Variants in ABCA13 observed in about 807,000 individuals in gnomAD.
ABCA13 encodes ATP-binding cassette sub-family A member 13.
Under a neutral mutation model 478.7 loss-of-function variants are expected in ABCA13, and 476 were observed. The observed-to-expected ratio is 0.99, with a 90% CI of 0.92 to 1.07. ABCA13 has a LOEUF of 1.07. Ranked by LOEUF, ABCA13 falls within the 50% of genes least tolerant of loss-of-function variation. The probability of loss-of-function intolerance (pLI) is 0.00; values close to 1 mark genes in which losing one functional copy is unlikely to be tolerated. For synonymous variants in ABCA13, 2,252 were observed against 2,158.9 expected (o/e 1.04, Z -1.20); for missense variants, 6,060 against 5,910.6 (o/e 1.03, Z -0.83).
At chr7:48,565,652 CA>C (rs1307479960) in intron 55 of ABCA13, among the ~76,000 whole-genome samples, 1 of 151,858 alleles carries the variant, frequency 6.6e-6, no homozygotes, top group Non-Finnish European at 1.5e-5. Flanking sequence ...CAAAACAAAA[CA>C]AAAACAAAAA....
chr7:48,394,937 G>A (rs904215466), intron 38 of ABCA13, among the ~76,000 whole-genome samples: 1 of 152,132 alleles, frequency 6.6e-6, no homozygotes, highest in African/African-American at 2.4e-5. Context: ...AGCTGCCCTT[G>A]GTTGTATGGT....
intron 20 of ABCA13, among the ~76,000 whole-genome samples, chr7:48,295,310 T>C (rs1799214117): frequency 6.6e-6 from 1 of 152,260 alleles, no homozygotes; most frequent in African/African-American, 2.4e-5. Context: ...TTTACCTGTT[T>C]GCCATTTTGA....
intron 55 of ABCA13, among the ~76,000 whole-genome samples, chr7:48,556,326 T>C (rs570747844): frequency 5.9e-5 from 9 of 152,088 alleles, no homozygotes; most frequent in Admixed American, 6.6e-5. Context: ...CCATTTGTTC[T>C]ATAGTACAGA....
Position 48,403,801 on chromosome 7 carries a change from G to A in ABCA13, c.11992G>A (p.Val3998Ile), listed in dbSNP as rs1258613508. ...IAFMGMSRTV[V>I]LDEPTSGVDP... ...TTTCATGGGCATGTCGAGGACCGTGGTTCTGGATGAGCCCACCAGTGGGGT... is the reference window on the plus strand; with the variant it reads ...TTTCATGGGCATGTCGAGGACCGTGATTCTGGATGAGCCCACCAGTGGGGT... Residue 3998 changes from valine to isoleucine, a missense_variant, in exon 39 of 62, where the codon GTT (valine) becomes ATT (isoleucine). Coordinates refer to ENST00000435803, the MANE Select transcript of ABCA13 (RefSeq NM_152701.5). 5.0e-6 allele frequency: 8 copies of A among 1,613,826 alleles called. No homozygotes were observed. Among genetic ancestry groups the A allele is most frequent in the Non-Finnish European group, 6.8e-6 (8 of 1,179,874 alleles).
chr7:48,498,679 G>C (rs1342631156), intron 48 of ABCA13, among the ~76,000 whole-genome samples: 2 of 152,148 alleles, frequency 1.3e-5, no homozygotes, highest in African/African-American at 4.8e-5. Context: ...TAGTGAAGAT[G>C]TTTCCATAAA....
At chr7:48,401,241 C>G (rs1314751297) in intron 38 of ABCA13, among the ~76,000 whole-genome samples, 1 of 152,070 alleles carries the variant, frequency 6.6e-6, no homozygotes, top group Non-Finnish European at 1.5e-5. Context: ...TGATACATGT[C>G]TAATAAATGT....
chr7:48,613,158 A>C (rs568175502), intron 58 of ABCA13, among the ~76,000 whole-genome samples: 1 of 151,188 alleles, frequency 6.6e-6, no homozygotes, highest in East Asian at 1.9e-4. Context: ...AAGTATATCA[A>C]CCTCTACCCA....
chr7:48,199,467 T>G (rs10278351), intron 3 of ABCA13, among the ~76,000 whole-genome samples: 1 of 151,946 alleles, frequency 6.6e-6, no homozygotes, highest in East Asian at 1.9e-4. Context: ...GGGTCTCTTT[T>G]ATACGGGCAC....
chr7:48,315,744 C>T (rs1254161823), intron 26 of ABCA13, among the ~76,000 whole-genome samples: 1 of 152,150 alleles, frequency 6.6e-6, no homozygotes, highest in East Asian at 1.9e-4. Context: ...TCCCAAAGTG[C>T]TGGGATTACA....
intron 54 of ABCA13, among the ~76,000 whole-genome samples, chr7:48,526,223 C>CA (rs1832884497): frequency 6.6e-6 from 1 of 151,500 alleles, no homozygotes; most frequent in Non-Finnish European, 1.5e-5. Context: ...AAGGAGGGGC[C>CA]GGAGACAGCA....
At chr7:48,505,870 C>A (rs1327201681) in intron 48 of ABCA13, among the ~76,000 whole-genome samples, 4 of 152,162 alleles carry the variant, frequency 2.6e-5, no homozygotes, top group African/African-American at 4.8e-5. Flanking sequence ...CAAAACAAAA[C>A]AAACAACTCC....
chr7:48,278,341 A>G lies in ABCA13; in HGVS notation c.7147A>G (p.Ile2383Val), dbSNP rs767161490. 14 of 1,613,376 alleles carry G rather than the reference A, an allele frequency of 8.7e-6. No homozygotes were observed. The highest frequency in any genetic ancestry group is 1.2e-5 in the Non-Finnish European group (14 of 1,179,538). Residue 2383 changes from isoleucine (I) to valine (V), a missense_variant, in exon 18 of 62, where the codon ATA (isoleucine) becomes GTA (valine). Coordinates refer to ENST00000435803, the MANE Select transcript of ABCA13 (RefSeq NM_152701.5). ...AATGAAAAATAAGACTGAAAATAAT[A>G]TAGACTTTTTCACAGTGGTGAGTCA... The part of the protein sequence containing the change: ...TSMKNKTENN[I>V]DFFTVVSQLF...
chr7:48,383,676 A>G (rs576795049), intron 35 of ABCA13, among the ~76,000 whole-genome samples: 1 of 152,324 alleles, frequency 6.6e-6, no homozygotes, highest in East Asian at 1.9e-4. Flanking sequence ...TTATTGTAAA[A>G]TGTTTGAAAA....
At chr7:48,291,875 C>T (rs182670772) in intron 20 of ABCA13, among the ~76,000 whole-genome samples, 19 of 152,250 alleles carry the variant, frequency 1.2e-4, no homozygotes, top group African/African-American at 3.6e-4. Context: ...CTCAGCCACG[C>T]CCATCCCCAC....
In ABCA13 at chr7:48,171,543, C is replaced by A. The variant is rs1427775953; in HGVS notation, c.60C>A (p.Leu20=). 3 of 1,536,296 alleles carry A rather than the reference C, an allele frequency of 2.0e-6. No individual in the cohort carries two copies. The highest frequency in any genetic ancestry group is 2.6e-6 in the Non-Finnish European group (3 of 1,146,904). ...TGTGGAAGAATTGGCTCTGCAGACTCAGGAACCCGGTGAGTGCTTGCCTTG... is the reference window on the plus strand; with the variant it reads ...TGTGGAAGAATTGGCTCTGCAGACTAAGGAACCCGGTGAGTGCTTGCCTTG... ...ALLWKNWLCR[L]RNPVLFLAEF... Residue 20 remains leucine, a synonymous_variant, in exon 1 of 62, where the codon CTC becomes CTA. Coordinates refer to ENST00000435803, the MANE Select transcript of ABCA13 (RefSeq NM_152701.5).
At chr7:48,412,912 C>T (rs189406696) in intron 41 of ABCA13, among the ~76,000 whole-genome samples, 322 of 151,528 alleles carry the variant, frequency 2.1e-3, no homozygotes, top group Middle Eastern at 3.4e-3. Flanking sequence ...CCCGGGTTCA[C>T]GCCAGTCTCC....
At position 48,204,215 on chromosome 7, in the gene ABCA13, A is replaced by AT. The variant is rs1185744775; in HGVS notation, c.287+5869dup. Among the ~76,000 whole-genome samples the AT allele has an allele frequency of 8.2e-3, 1,099 of 134,076 alleles. 10 individuals are homozygous for AT. The highest frequency in any genetic ancestry group is 0.027 in the South Asian group (115 of 4,226). The allele number at this position is 134,076 out of a possible 152,430, so 88.0% of individuals were successfully genotyped here. A position where few individuals can be genotyped will look rare whatever the true frequency, so the allele number is the denominator to read the frequency against. ...CCAACCTCCGCCTCCTAGACTTATAATTTTTTTTTTTTTTGAGACAGTCTG... is the reference window on the plus strand; with the variant it reads ...CCAACCTCCGCCTCCTAGACTTATAATTTTTTTTTTTTTTTGAGACAGTCTG... On this transcript the variant is annotated intron_variant, in intron 3 of 61. Coordinates refer to ENST00000435803, the MANE Select transcript of ABCA13 (RefSeq NM_152701.5).
Position 48,244,615 on chromosome 7 carries a change from C to A in ABCA13, c.1302C>A (p.Asn434Lys), listed in dbSNP as rs559926336. 235 of 1,613,550 alleles carry A rather than the reference C, an allele frequency of 1.5e-4. 2 individuals are homozygous for A. In the South Asian group the frequency reaches 2.4e-3, roughly 17 times the overall value. ...HLWKLQSLLQ[N>K]LPQWPALKRF... is the part of the protein sequence containing the mutation. ...GGAAATTGCAAAGCTTGCTGCAAAA[C>A]CTGCCCCAGTGGCCGGCACTGAAGA... Residue 434 changes from asparagine to lysine, a missense_variant, in exon 11 of 62, where the codon AAC becomes AAA. Asn to Lys is a moderately conservative substitution (Grantham distance 94, BLOSUM62 0). Coordinates refer to ENST00000435803, the MANE Select transcript of ABCA13 (RefSeq NM_152701.5).
intron 7 of ABCA13, among the ~76,000 whole-genome samples, chr7:48,233,707 G>C (rs1198039851): frequency 1.3e-5 from 2 of 152,138 alleles, no homozygotes; most frequent in African/African-American, 4.8e-5. Flanking sequence ...TAAGCTTCTT[G>C]AGAAAGACTT....
Sources: allele counts gnomAD v4.1 joint callset (sites outside exome capture counted in the v4.1 genomes callset), GRCh38; gene constraint gnomAD v4.1.1; transcripts MANE v1.5; gene names NCBI Gene and HGNC (gene_info 2026-07-23, HGNC 2026-07-21).